Variants in ISL2 observed in about 807,000 individuals in gnomAD.
ISL2 encodes insulin gene enhancer protein ISL-2.
ISL2 carries 17 observed loss-of-function variants against 34.6 expected under a neutral mutation model. The observed-to-expected ratio is 0.49, with a 90% confidence interval of 0.34 to 0.74. ISL2 has a LOEUF of 0.74. Ranked by LOEUF, ISL2 falls within the 30% of genes least tolerant of loss-of-function variation. The probability of loss-of-function intolerance (pLI) is 0.01; values close to 1 mark genes in which losing one functional copy is unlikely to be tolerated. For missense variants in ISL2, 469 were observed against 515.2 expected (o/e 0.91, Z 0.87); for synonymous variants, 232 against 225.5 (o/e 1.03, Z -0.26).
chr15:76,339,926 T>C, intron 3 of ISL2: 1 of 1,096,358 alleles, frequency 9.1e-7, no homozygotes, highest in African/African-American at 1.7e-5. Context: ...AAACTCCGAC[T>C]TCTTCCGGAG....
chr15:76,341,903 C>A lies in ISL2; in HGVS notation c.*68C>A. ...TGCATGAGACTCACCCATGCTCAGG[C>A]CATTCCAGTTCCGAAAGCTCTCTCG... On this transcript the variant is annotated 3_prime_UTR_variant, in exon 6 of 6. Coordinates refer to ENST00000290759, the MANE Select transcript of ISL2 (RefSeq NM_145805.3). 1 of 980,690 alleles carries A rather than the reference C, an allele frequency of 1.0e-6. No individual in the cohort carries two copies. The highest frequency in any genetic ancestry group is 1.6e-6 in the Non-Finnish European group (1 of 611,124). The allele number at this position is 980,690 out of a possible 1,614,324, so 60.7% of individuals were successfully genotyped here. A position where few individuals can be genotyped will look rare whatever the true frequency, so the allele number is the denominator to read the frequency against.
At chr15:76,340,242 C>T (rs2040183103) in intron 3 of ISL2, 34 bp from the exon 4 acceptor site, 1 of 1,513,310 alleles carries the variant, frequency 6.6e-7, no homozygotes. Flanking sequence ...GTGGCGGCCC[C>T]TCGCTAACCT....
rs778116984 is a variant in ISL2, at chr15:76,341,311, T to G, written c.963+10T>G. 2.3e-5 allele frequency: 37 copies of G among 1,578,738 alleles called. No individual in the cohort carries two copies. Among genetic ancestry groups the G allele is most frequent in the Middle Eastern group, 1.9e-4 (1 of 5,224 alleles). On this transcript the variant is annotated intron_variant, in intron 5 of 5. Coordinates refer to ENST00000290759, the MANE Select transcript of ISL2 (RefSeq NM_145805.3). ...CGCCTTCCAACAGCTGGTGAGGCCCTGCCCTACCCGCCCCGACCTCGGGAC... is the reference window on the plus strand; with the variant it reads ...CGCCTTCCAACAGCTGGTGAGGCCCGGCCCTACCCGCCCCGACCTCGGGAC...
rs1166146387 is a variant in ISL2, at chr15:76,336,956, G to A, written c.58+15G>A. 2 of 1,604,436 alleles carry A rather than the reference G, an allele frequency of 1.2e-6. No homozygotes were observed. The highest frequency in any genetic ancestry group is 2.2e-5 in the East Asian group (1 of 44,828). On this transcript the variant is annotated intron_variant, in intron 1 of 5. Transcript: ENST00000290759. Reference sequence around the variant, plus strand: ...TCATTCCAAGAGTAAGTATTTCTGTGTGTGTGTGGGGTGGGGTGTGTGTGT... The same window carrying A: ...TCATTCCAAGAGTAAGTATTTCTGTATGTGTGTGGGGTGGGGTGTGTGTGT...
chr15:76,340,395 G>T lies in ISL2; in HGVS notation c.631G>T (p.Ala211Ser). The T allele has an allele frequency of 6.2e-7, 1 of 1,613,642 alleles. No homozygotes were observed. The change falls in exon 4 of 6, where the codon GCC (alanine) becomes TCC (serine). Residue 211 changes from alanine (A) to serine (S), a missense_variant. Ala to Ser is a moderately conservative substitution (Grantham distance 99). Transcript: ENST00000290759. ...GCTGCACACTCTGCGGACCTGCTACGCCGCCAACCCGCGGCCCGACGCTCT... is the reference window on the plus strand; with the variant it reads ...GCTGCACACTCTGCGGACCTGCTACTCCGCCAACCCGCGGCCCGACGCTCT... ...KQLHTLRTCYAANPRPDALMK... is the reference protein window; with the variant it reads ...KQLHTLRTCYSANPRPDALMK...
At chr15:76,339,785 G>A in intron 3 of ISL2, 2 of 993,996 alleles carry the variant, frequency 2.0e-6, no homozygotes, top group Non-Finnish European at 2.4e-6. Flanking sequence ...CTGAAGGAGG[G>A]GAAGGGCCCT....
chr15:76,338,287 G>T lies in ISL2; in HGVS notation c.284G>T (p.Gly95Val). 6.3e-7 allele frequency: 1 copy of T among 1,583,740 alleles called. No individual in the cohort carries two copies. The highest frequency in any genetic ancestry group is 1.4e-5 in the African/African-American group (1 of 72,590). ...ATCAAGTGCGCCAAGTGCCAGGTGG[G>T]CTTCAGCAGCAGCGACCTGGTGATG... ...FGIKCAKCQVGFSSSDLVMRA... is the reference protein window; with the variant it reads ...FGIKCAKCQVVFSSSDLVMRA... Residue 95 changes from glycine to valine, a missense_variant, in exon 3 of 6, where the codon GGC becomes GTC. Gly to Val is a moderately radical substitution (Grantham distance 109, BLOSUM62 -3). Transcript: ENST00000290759.
Position 76,340,436 on chromosome 15 carries a change from G to A in ISL2, c.672G>A (p.Leu224=). Residue 224 remains leucine, a synonymous_variant, in exon 4 of 6, where the codon CTG becomes CTA. Transcript: ENST00000290759. ...CCGACGCTCTCATGAAGGAGCAGCT[G>A]GTGGAGATGACCGGCCTGAGCCCGC... is the stretch of plus-strand genomic sequence containing the variant. ...PRPDALMKEQ[L]VEMTGLSPRV... is the part of the protein sequence containing the mutation. 6.2e-7 allele frequency: 1 copy of A among 1,613,874 alleles called. No homozygotes were observed. Among genetic ancestry groups the A allele is most frequent in the South Asian group, 1.1e-5 (1 of 91,086 alleles).
chr15:76,341,104 A>G, intron 4 of ISL2, 30 bp from the exon 5 acceptor site: 1 of 1,526,642 alleles, frequency 6.6e-7, no homozygotes, highest in Non-Finnish European at 8.8e-7. Flanking sequence ...ACCTAACTCG[A>G]GCACCTACTG....
Position 76,339,350 on chromosome 15 carries a change from T to C in ISL2, c.511+836T>C, listed in dbSNP as rs987187677. On this transcript the variant is annotated intron_variant, in intron 3 of 5. Transcript: ENST00000290759. ...TGGATGGGCTATTTGTAAATATTTG[T>C]CCAGACCTAGAAATTCGTAGAGGGG... 6.1e-6 allele frequency: 6 copies of C among 985,138 alleles called. No homozygotes were observed. In the African/African-American group the frequency reaches 1.0e-4, roughly 17 times the overall value. The allele number at this position is 985,138 out of a possible 1,614,324, so 61.0% of individuals were successfully genotyped here.
chr15:76,341,385 G>T (rs2040192717), intron 5 of ISL2, 84 bp downstream of exon 5: 6 of 1,376,036 alleles, frequency 4.4e-6, no homozygotes, highest in East Asian at 2.5e-5. Context: ...AGGGGAGGGG[G>T]TGGCCTTGGG....
intron 4 of ISL2, 52 bp downstream of exon 4, chr15:76,340,611 C>CCG (rs772746147): frequency 3.1e-4 from 486 of 1,549,616 alleles, no homozygotes; most frequent in Admixed American, 7.2e-5. Flanking sequence ...TGCGCTTCCG[C>CCG]CGCGGTATCT....
Position 76,340,397 on chromosome 15 carries a change from C to T in ISL2, c.633C>T (p.Ala211=). 1 of 1,613,658 alleles carries T rather than the reference C, an allele frequency of 6.2e-7. No individual in the cohort carries two copies. Among genetic ancestry groups the T allele is most frequent in the Middle Eastern group, 1.7e-4 (1 of 5,998 alleles). Reference sequence around the variant, plus strand: ...TGCACACTCTGCGGACCTGCTACGCCGCCAACCCGCGGCCCGACGCTCTCA... The same window carrying T: ...TGCACACTCTGCGGACCTGCTACGCTGCCAACCCGCGGCCCGACGCTCTCA... The part of the protein sequence containing the change: ...KQLHTLRTCY[A]ANPRPDALMK... Residue 211 remains alanine, a synonymous_variant, in exon 4 of 6, where the codon GCC becomes GCT. Transcript: ENST00000290759.
intron 3 of ISL2, chr15:76,339,380 T>C (rs1453439462): frequency 1.0e-6 from 1 of 985,414 alleles, no homozygotes; most frequent in Non-Finnish European, 1.2e-6. Context: ...GAGGGGAACA[T>C]AAACCGAAAT....
intron 3 of ISL2, chr15:76,338,783 C>T: frequency 3.0e-6 from 3 of 985,320 alleles, no homozygotes; most frequent in Non-Finnish European, 3.6e-6. Context: ...ATGCAGGGCA[C>T]AGTGCTAGGA....
rs776984697 is a variant in ISL2, at chr15:76,336,801, A to C, written c.-83A>C. On this transcript the variant is annotated 5_prime_UTR_variant, in exon 1 of 6. Coordinates refer to ENST00000290759, the MANE Select transcript of ISL2 (RefSeq NM_145805.3). ...TCAACTCCGCGGGGCAGTAGGAGTT[A>C]GTTAGCAAAGAGCCGAGGCCGGGCG... The C allele has an allele frequency of 5.0e-6, 6 of 1,191,744 alleles. No individual in the cohort carries two copies. The highest frequency in any genetic ancestry group is 7.5e-6 in the Non-Finnish European group (6 of 797,040). The allele number at this position is 1,191,744 out of a possible 1,614,324, so 73.8% of individuals were successfully genotyped here. A position where few individuals can be genotyped will look rare whatever the true frequency, so the allele number is the denominator to read the frequency against.
At chr15:76,337,054 A>G (rs1011777654) in intron 1 of ISL2, 113 bp downstream of exon 1, 5 of 954,858 alleles carry the variant, frequency 5.2e-6, no homozygotes, top group African/African-American at 1.6e-5. Flanking sequence ...ATTTGTCAGA[A>G]TAGTTTAGGA....
At chr15:76,338,808 G>C in intron 3 of ISL2, 1 of 985,434 alleles carries the variant, frequency 1.0e-6, no homozygotes, top group Non-Finnish European at 1.2e-6. Flanking sequence ...AAGAGTGGAT[G>C]ACAACAGGGA....
chr15:76,340,794 G>A (rs990092175), intron 4 of ISL2, among the ~76,000 whole-genome samples: 6 of 152,262 alleles, frequency 3.9e-5, no homozygotes, highest in African/African-American at 1.2e-4. Flanking sequence ...GGTTCCGGGC[G>A]CTGCGCGGAG....
Sources: allele counts gnomAD v4.1 joint callset (sites outside exome capture counted in the v4.1 genomes callset), GRCh38; gene constraint gnomAD v4.1.1; transcripts MANE v1.5; gene names NCBI Gene and HGNC (gene_info 2026-07-23, HGNC 2026-07-21).